TRERF1: variants seen among roughly 807,000 people sequenced by gnomAD.
The protein encoded by TRERF1 is transcriptional regulating factor 1.
In TRERF1, 27 loss-of-function variants were observed where a neutral mutation model predicts 122.9. That is an observed-to-expected ratio of 0.22 (90% CI 0.16 to 0.30). The LOEUF (loss-of-function observed/expected upper bound fraction) is 0.30. TRERF1 is among the 10% of genes least tolerant of loss of function. TRERF1 has a pLI of 1.00. For missense variants in TRERF1, 1,248 were observed against 1,560.3 expected (o/e 0.80, Z 3.37); for synonymous variants, 636 against 641.7 (o/e 0.99, Z 0.13).
chr6:42,381,704 G>A (rs959000134), intron 2 of TRERF1, among the ~76,000 whole-genome samples: 2 of 151,676 alleles, frequency 1.3e-5, no homozygotes, highest in African/African-American at 2.4e-5. Context: ...CTCCCTCAAC[G>A]GAGGAGGGAA....
At chr6:42,365,233 A>G (rs1279763999) in intron 2 of TRERF1, among the ~76,000 whole-genome samples, 3 of 152,076 alleles carry the variant, frequency 2.0e-5, no homozygotes, top group Non-Finnish European at 2.9e-5. Flanking sequence ...ACCCTAGTCC[A>G]CACCCTGACT....
rs867217846 is a variant in TRERF1 at position 42,262,544 on chromosome 6, A to C, written c.1884+776T>G. On this transcript the variant is annotated intron_variant, in intron 8 of 17. Coordinates refer to ENST00000372922, the Ensembl canonical transcript of TRERF1. ...GAGAGAGAGAGAGAGAGAGAGAGAG[A>C]GAGAGAGAGAGAGAGAGAGAGAGAG... is the stretch of plus-strand genomic sequence containing the variant. Among the ~76,000 whole-genome samples, 20 of 89,164 alleles carry C rather than the reference A, an allele frequency of 2.2e-4. 1 individual carries two copies. In the East Asian group the frequency reaches 3.7e-3, roughly 16 times the overall value. 58.5% of individuals were successfully genotyped at this position (89,164 alleles called of 152,430 possible).
chr6:42,342,665 G>A (rs1197551149), intron 3 of TRERF1, among the ~76,000 whole-genome samples: 2 of 152,180 alleles, frequency 1.3e-5, no homozygotes, highest in Non-Finnish European at 1.5e-5. Context: ...TTATCCACAA[G>A]TGGCTAGCCA....
intron 9 of TRERF1, among the ~76,000 whole-genome samples, chr6:42,258,736 C>T (rs1260716284): frequency 1.3e-5 from 2 of 151,766 alleles, no homozygotes; most frequent in Non-Finnish European, 2.9e-5. Context: ...TACCACATCC[C>T]GTTATTTTTT....
intron 2 of TRERF1, among the ~76,000 whole-genome samples, chr6:42,400,845 G>A (rs144078153): frequency 7.9e-4 from 121 of 152,336 alleles, no homozygotes; most frequent in African/African-American, 2.6e-3. Flanking sequence ...CTGTGTCCCA[G>A]ACAGCACCAC....
intron 2 of TRERF1, among the ~76,000 whole-genome samples, chr6:42,375,039 T>C (rs1295128285): frequency 6.8e-6 from 1 of 146,224 alleles, no homozygotes; most frequent in African/African-American, 2.6e-5. Flanking sequence ...TAAGCACCAA[T>C]GTGTTTTGCC....
chr6:42,428,262 CTTAAT>C (rs1312141253), intron 2 of TRERF1, among the ~76,000 whole-genome samples: 2 of 152,182 alleles, frequency 1.3e-5, no homozygotes, highest in African/African-American at 4.8e-5. Flanking sequence ...TGATTTTCCC[CTTAAT>C]TTATCAGTAC....
chr6:42,440,324 C>G (rs1292178846), intron 2 of TRERF1, among the ~76,000 whole-genome samples: 1 of 152,088 alleles, frequency 6.6e-6, no homozygotes, highest in East Asian at 1.9e-4. Context: ...GGATCAGGAG[C>G]CAGTCTTTGG....
chr6:42,317,929 G>A (rs867315168), intron 3 of TRERF1, among the ~76,000 whole-genome samples: 8 of 152,050 alleles, frequency 5.3e-5, no homozygotes, highest in African/African-American at 7.2e-5. Context: ...CGAGGCAGGC[G>A]GATCACCTGA....
At chr6:42,252,910 A>T (rs573574218) in intron 13 of TRERF1, among the ~76,000 whole-genome samples, 1 of 152,212 alleles carries the variant, frequency 6.6e-6, no homozygotes, top group South Asian at 2.1e-4. Context: ...GGAGATATCA[A>T]CCCTTCACAG....
At chr6:42,390,898 C>T (rs1284638588) in intron 2 of TRERF1, among the ~76,000 whole-genome samples, 1 of 152,184 alleles carries the variant, frequency 6.6e-6, no homozygotes, top group African/African-American at 2.4e-5. Flanking sequence ...CTGCAGGTTA[C>T]TAGGGCCTCT....
In TRERF1 at chr6:42,268,733, T is replaced by A. The variant is rs1424357665; in HGVS notation, c.858A>T (p.Gln286His). 4.3e-6 allele frequency: 7 copies of A among 1,614,080 alleles called. No homozygotes were observed. In the African/African-American group the frequency reaches 8.0e-5, roughly 18 times the overall value. Residue 286 changes from glutamine (Q) to histidine (H), a missense_variant, in exon 5 of 18, where the codon CAA becomes CAT. By Grantham distance (24) the Gln-to-His change is conservative (BLOSUM62 0). Transcript: ENST00000372922. This position sits in a 1 kb window ranked among gnomAD's most constrained non-coding sequence, Gnocchi z 4.4. The stretch of plus-strand genomic sequence containing the variant: ...TTTGTTGCGGCTGCGTCTGTATTTC[T>A]TGCATGGAGATACGCTGTTGCCCGG...
At chr6:42,395,847 C>T (rs907881078) in intron 2 of TRERF1, among the ~76,000 whole-genome samples, 1 of 151,788 alleles carries the variant, frequency 6.6e-6, no homozygotes, top group Admixed American at 6.6e-5. Context: ...AGGAGAAGCA[C>T]GGCCTTAACA....
chr6:42,401,110 A>G (rs1316917806), intron 2 of TRERF1, among the ~76,000 whole-genome samples: 1 of 152,200 alleles, frequency 6.6e-6, no homozygotes, highest in Non-Finnish European at 1.5e-5. Flanking sequence ...TTTGAAGAGG[A>G]GGGCACAGGC....
At chr6:42,353,557 T>A (rs183081037) in intron 3 of TRERF1, among the ~76,000 whole-genome samples, 46 of 151,942 alleles carry the variant, frequency 3.0e-4, no homozygotes, top group Admixed American at 1.9e-3. Flanking sequence ...CATTGCACTC[T>A]AGCCTGGGCA....
At chr6:42,441,812 G>T (rs919571599) in intron 2 of TRERF1, among the ~76,000 whole-genome samples, 10 of 152,110 alleles carry the variant, frequency 6.6e-5, no homozygotes, top group African/African-American at 2.4e-4. Context: ...AGTCCAGAGG[G>T]GTGAAAGACA....
At chr6:42,310,388 A>C (rs1262430798) in intron 3 of TRERF1, among the ~76,000 whole-genome samples, 1 of 152,256 alleles carries the variant, frequency 6.6e-6, no homozygotes, top group Admixed American at 6.5e-5. Flanking sequence ...AGAGCAGCGT[A>C]GCTCAACCTT....
chr6:42,405,488 T>C (rs1206325008), intron 2 of TRERF1, among the ~76,000 whole-genome samples: 2 of 151,998 alleles, frequency 1.3e-5, no homozygotes, highest in Non-Finnish European at 2.9e-5. Context: ...ACACAGAAGG[T>C]GCTGCTTCAA....
chr6:42,286,247 T>C lies in TRERF1; in HGVS notation c.-259+14391A>G, dbSNP rs1783202259. Among the ~76,000 whole-genome samples the C allele has an allele frequency of 1.4e-5, 2 of 147,030 alleles. 1 individual carries two copies. The highest frequency in any genetic ancestry group is 1.4e-4 in the Admixed American group (2 of 14,636). On this transcript the variant is annotated intron_variant, in intron 4 of 17. Coordinates refer to ENST00000372922, the Ensembl canonical transcript of TRERF1. ...TAGGCATGGGCAAGGACTTCATGTC[T>C]AAAACACCAAAAGCAATGACAACCA... is the stretch of plus-strand genomic sequence containing the variant.
Sources: gnomAD v4.1 joint callset for allele counts (sites outside exome capture counted in the v4.1 genomes callset) on GRCh38, gnomAD v4.1.1 for gene constraint, Gnocchi (gnomAD v3.1) non-coding constraint, MANE v1.5 for transcripts, NCBI Gene and HGNC (gene_info 2026-07-23, HGNC 2026-07-21) for gene names.